PLSCR4: variants seen among roughly 807,000 people sequenced by gnomAD.
PLSCR4 encodes the protein phospholipid scramblase 4, also known as Ca(2+)-dependent phospholipid scramblase 4.
Under a neutral mutation model 36.3 loss-of-function variants are expected in PLSCR4, and 25 were observed. The ratio of observed to expected loss-of-function variants is 0.69; its 90% CI spans 0.50 to 0.96. PLSCR4 has a LOEUF of 0.96. PLSCR4 is among the 40% of genes least tolerant of loss of function. The pLI, the probability that PLSCR4 is intolerant of heterozygous loss-of-function variation, is 0.00. For missense variants in PLSCR4, 408 were observed against 414.7 expected (o/e 0.98, Z 0.14); for synonymous variants, 122 against 132.9 (o/e 0.92, Z 0.56).
Position 146,227,513 on chromosome 3 carries a change from C to A in PLSCR4, c.-21-5421G>T, listed in dbSNP as rs556074110. Among the ~76,000 whole-genome samples the A allele has an allele frequency of 3.7e-4, 57 of 152,314 alleles. 5 individuals are homozygous for A. In the South Asian group the frequency reaches 8.9e-3, roughly 24 times the overall value. Reference sequence around the variant, plus strand: ...GTTATATGCAAGCTTTTCAATTTCACCACTGTAAACAGTGACAAACTCTCA... The same window carrying A: ...GTTATATGCAAGCTTTTCAATTTCAACACTGTAAACAGTGACAAACTCTCA... On this transcript the variant is annotated intron_variant, in intron 1 of 8. Coordinates refer to ENST00000354952, the MANE Select transcript of PLSCR4 (RefSeq NM_020353.3).
chr3:146,226,480 C>T (rs535281824), intron 1 of PLSCR4, among the ~76,000 whole-genome samples: 2 of 152,242 alleles, frequency 1.3e-5, no homozygotes, highest in South Asian at 4.1e-4. Context: ...TGTGTCTGTC[C>T]GCCTATCATC....
chr3:146,234,606 C>T (rs949350739), intron 1 of PLSCR4, among the ~76,000 whole-genome samples: 1 of 151,872 alleles, frequency 6.6e-6, no homozygotes, highest in African/African-American at 2.4e-5. Flanking sequence ...TTGGGGGACA[C>T]ACAGAGATGA....
At chr3:146,211,360 ACTAT>A (rs1171130221) in intron 3 of PLSCR4, among the ~76,000 whole-genome samples, 1 of 152,096 alleles carries the variant, frequency 6.6e-6, no homozygotes, top group African/African-American at 2.4e-5. Flanking sequence ...CCTTTGGAGA[ACTAT>A]CTATTAAATC....
intron 8 of PLSCR4, among the ~76,000 whole-genome samples, 157 bp from the exon 9 acceptor site, chr3:146,194,612 C>G (rs551574256): frequency 8.5e-5 from 13 of 152,162 alleles, no homozygotes; most frequent in Non-Finnish European, 1.3e-4. Context: ...TGAAGAGCAG[C>G]AGTTACAAAT....
Position 146,221,011 on chromosome 3 carries a change from G to C in PLSCR4, c.8-86C>G, listed in dbSNP as rs962543919. 4 of 727,860 alleles carry C rather than the reference G, an allele frequency of 5.5e-6. No homozygotes were observed. In the African/African-American group the frequency reaches 7.2e-5, roughly 13 times the overall value. 45.1% of individuals were successfully genotyped at this position (727,860 alleles called of 1,614,324 possible). ...ATTCTTTTTCCTTTCTTATGGGAATGCATCAAGAAATATAATCAACTGGAA... is the reference window on the plus strand; with the variant it reads ...ATTCTTTTTCCTTTCTTATGGGAATCCATCAAGAAATATAATCAACTGGAA... On this transcript the variant is annotated intron_variant, in intron 2 of 8. Coordinates refer to ENST00000354952, the MANE Select transcript of PLSCR4 (RefSeq NM_020353.3).
chr3:146,225,599 G>T (rs1465079486), intron 1 of PLSCR4, among the ~76,000 whole-genome samples: 1 of 152,216 alleles, frequency 6.6e-6, no homozygotes, highest in Non-Finnish European at 1.5e-5. Flanking sequence ...CTAAGGCTTG[G>T]TGAGAAATCG....
intron 1 of PLSCR4, among the ~76,000 whole-genome samples, chr3:146,228,186 C>T (rs1185019080): frequency 6.6e-6 from 1 of 152,112 alleles, no homozygotes; most frequent in Non-Finnish European, 1.5e-5. Context: ...TAAAACAGTG[C>T]CTGCCATATA....
At chr3:146,217,214 T>C (rs1280213448) in intron 3 of PLSCR4, among the ~76,000 whole-genome samples, 2 of 152,126 alleles carry the variant, frequency 1.3e-5, no homozygotes, top group African/African-American at 4.8e-5. Context: ...TAATCATAGG[T>C]AGATGCATAG....
Position 146,199,793 on chromosome 3 carries a change from T to A in PLSCR4, c.624+20A>T, listed in dbSNP as rs754700190. The A allele has an allele frequency of 6.3e-7, 1 of 1,583,272 alleles. No homozygotes were observed. The highest frequency in any genetic ancestry group is 1.1e-5 in the South Asian group (1 of 90,012). ...AGTTAGATCAGAAGCAAGCTGTGGA[T>A]CAGACTTCCATTCTCTGACCTCTTG... On this transcript the variant is annotated intron_variant, in intron 6 of 8. Coordinates refer to ENST00000354952, the MANE Select transcript of PLSCR4 (RefSeq NM_020353.3).
chr3:146,201,938 C>T (rs2034071056), intron 4 of PLSCR4, among the ~76,000 whole-genome samples: 1 of 151,928 alleles, frequency 6.6e-6, no homozygotes, highest in Non-Finnish European at 1.5e-5. Context: ...ATTCCTAATC[C>T]CTGAGCCCAG....
At chr3:146,213,334 C>CTTTTTTTTTTTTTTTT (rs60242461) in intron 3 of PLSCR4, among the ~76,000 whole-genome samples, 2 of 125,514 alleles carry the variant, frequency 1.6e-5, no homozygotes, top group African/African-American at 2.9e-5. Flanking sequence ...GTAAAATTTC[C>CTTTTTTTTTTTTTTTT]TTTTTTTTTT....
At chr3:146,241,081 T>C (rs2036131660) in intron 1 of PLSCR4, among the ~76,000 whole-genome samples, 1 of 152,084 alleles carries the variant, frequency 6.6e-6, no homozygotes, top group Non-Finnish European at 1.5e-5. Flanking sequence ...AAGAAGTCAG[T>C]CACCAAAAAA....
At chr3:146,247,920 G>A in intron 1 of PLSCR4, among the ~76,000 whole-genome samples, 1 of 152,142 alleles carries the variant, frequency 6.6e-6, no homozygotes, top group Admixed American at 6.5e-5. Context: ...CCGCCACCCA[G>A]CCTTACCATG....
intron 1 of PLSCR4, among the ~76,000 whole-genome samples, chr3:146,236,129 A>G (rs114446024): frequency 0.014 from 2,118 of 152,158 alleles, 52 homozygotes; most frequent in African/African-American, 0.049. Flanking sequence ...AATTCAAGCA[A>G]TCTTGAGAAA....
chr3:146,240,139 T>C (rs1456677163), intron 1 of PLSCR4, among the ~76,000 whole-genome samples: 1 of 152,172 alleles, frequency 6.6e-6, no homozygotes, highest in Non-Finnish European at 1.5e-5. Context: ...AAACCATTTA[T>C]CTGAGAGACT....
chr3:146,222,081 T>C lies in PLSCR4; in HGVS notation c.-10A>G, dbSNP rs770201398. 2 of 1,165,106 alleles carry C rather than the reference T, an allele frequency of 1.7e-6. No homozygotes were observed. The highest frequency in any genetic ancestry group is 2.4e-6 in the Non-Finnish European group (2 of 845,872). The allele number at this position is 1,165,106 out of a possible 1,614,324, so 72.2% of individuals were successfully genotyped here. ...AAAACTTACCTGACATTTTGAAGAA[T>C]TCCAATTAATCCTGAAAAATAAAAA... is the stretch of plus-strand genomic sequence containing the variant. On this transcript the variant is annotated 5_prime_UTR_variant, in exon 2 of 9. Coordinates refer to ENST00000354952, the MANE Select transcript of PLSCR4 (RefSeq NM_020353.3).
Position 146,199,967 on chromosome 3 carries a change from G to T in PLSCR4, c.470C>A (p.Thr157Asn). 1 of 1,613,210 alleles carries T rather than the reference G, an allele frequency of 6.2e-7. No individual in the cohort carries two copies. The change falls in exon 6 of 9, where the codon ACC (threonine) becomes AAC (asparagine). Residue 157 changes from threonine (T) to asparagine (N), a missense_variant. Physicochemically the swap from Thr to Asn is moderately conservative, Grantham distance 65 (BLOSUM62 0). Coordinates refer to ENST00000354952, the MANE Select transcript of PLSCR4 (RefSeq NM_020353.3). ...NNSDQMVYIV[T>N]EDTDDFTRNA... Reference sequence around the variant, plus strand: ...CCTGGTAAAGTCATCTGTGTCTTCGGTTACAATGTAAACCATCTGGTCTGA... The same window carrying T: ...CCTGGTAAAGTCATCTGTGTCTTCGTTTACAATGTAAACCATCTGGTCTGA...
chr3:146,219,339 T>C (rs1351008749), intron 3 of PLSCR4, among the ~76,000 whole-genome samples: 2 of 152,276 alleles, frequency 1.3e-5, no homozygotes, highest in Admixed American at 6.5e-5. Flanking sequence ...TTTTTGGATA[T>C]AGAGTAATTG....
At chr3:146,239,427 A>G (rs959337289) in intron 1 of PLSCR4, among the ~76,000 whole-genome samples, 1 of 151,112 alleles carries the variant, frequency 6.6e-6, no homozygotes, top group Non-Finnish European at 1.5e-5. Flanking sequence ...AAATCTTTGC[A>G]TTTATGGGTA....
Sources: allele counts gnomAD v4.1 joint callset (sites outside exome capture counted in the v4.1 genomes callset), GRCh38; gene constraint gnomAD v4.1.1; transcripts MANE v1.5; gene names NCBI Gene and HGNC (gene_info 2026-07-23, HGNC 2026-07-21).